CBLIF: variants seen among roughly 807,000 people sequenced by gnomAD.
CBLIF encodes the protein gastric intrinsic factor (vitamin B synthesis).
A neutral mutation model predicts 44.9 loss-of-function variants in CBLIF; 24 were observed. The ratio of observed to expected loss-of-function variants is 0.53; its 90% confidence interval spans 0.39 to 0.75. The LOEUF is 0.75. CBLIF is among the 30% of genes least tolerant of loss of function. CBLIF has a pLI of 0.00. For synonymous variants in CBLIF, 183 were observed against 190.9 expected, an observed-to-expected ratio of 0.96 and a Z score of 0.34; for missense variants, 481 against 513.0, an observed-to-expected ratio of 0.94 and a Z score of 0.60.
In CBLIF at chr11:59,837,368, A is replaced by G; in HGVS notation, c.694-17T>C. ...AGAGAGAGCCTGGGAAGGAAGACAGAAAGAGAGAGAAAGAGTAATTAGGCA... is the reference window on the plus strand; with the variant it reads ...AGAGAGAGCCTGGGAAGGAAGACAGGAAGAGAGAGAAAGAGTAATTAGGCA... On this transcript the variant is annotated splice_polypyrimidine_tract_variant and intron_variant, in intron 5 of 8. Coordinates refer to ENST00000257248, the MANE Select transcript of CBLIF (RefSeq NM_005142.3). The G allele has an allele frequency of 1.3e-6, 2 of 1,583,530 alleles. No individual in the cohort carries two copies. Among genetic ancestry groups the G allele is most frequent in the Non-Finnish European group, 1.7e-6 (2 of 1,152,278 alleles).
intron 3 of CBLIF, 78 bp downstream of exon 3, chr11:59,842,950 C>A: frequency 3.3e-6 from 3 of 904,232 alleles, no homozygotes; most frequent in East Asian, 4.9e-5. Context: ...TCCACCCCCA[C>A]CCTTTTCCTT....
chr11:59,835,695 A>G (rs1866445785), intron 7 of CBLIF, 113 bp downstream of exon 7: 2 of 835,188 alleles, frequency 2.4e-6, no homozygotes. Flanking sequence ...CTCAAGCGCT[A>G]TTAAATAAAA....
Position 59,835,797 on chromosome 11 carries a change from G to A in CBLIF, c.1073+11C>T. ...CTTGAGAGAATGATGAATGACATTTGTAATACTCACTTGAACATAGGATTT... is the reference window on the plus strand; with the variant it reads ...CTTGAGAGAATGATGAATGACATTTATAATACTCACTTGAACATAGGATTT... On this transcript the variant is annotated intron_variant, in intron 7 of 8. Coordinates refer to ENST00000257248, the MANE Select transcript of CBLIF (RefSeq NM_005142.3). 6.3e-7 allele frequency: 1 copy of A among 1,585,658 alleles called. No individual in the cohort carries two copies. The highest frequency in any genetic ancestry group is 8.7e-7 in the Non-Finnish European group (1 of 1,153,858).
intron 5 of CBLIF, among the ~76,000 whole-genome samples, chr11:59,840,373 CTTAG>C (rs1179007624): frequency 6.6e-6 from 1 of 152,128 alleles, no homozygotes; most frequent in Non-Finnish European, 1.5e-5. Context: ...GCTCAAACTT[CTTAG>C]TTGGGATTAG....
At chr11:59,833,744 A>T (rs1310696553) in intron 7 of CBLIF, among the ~76,000 whole-genome samples, 1 of 152,104 alleles carries the variant, frequency 6.6e-6, no homozygotes, top group Non-Finnish European at 1.5e-5. Flanking sequence ...CTTTTCTTTG[A>T]AAAAGAAAAG....
intron 7 of CBLIF, 141 bp from the exon 8 acceptor site, chr11:59,831,937 T>C: frequency 1.5e-6 from 1 of 662,960 alleles, no homozygotes; most frequent in East Asian, 2.8e-5. Flanking sequence ...CCCAGGCTAG[T>C]GGTGAGATCC....
At chr11:59,830,403 AT>A (rs1039613250) in intron 8 of CBLIF, among the ~76,000 whole-genome samples, 26 of 151,360 alleles carry the variant, frequency 1.7e-4, no homozygotes, top group Non-Finnish European at 1.2e-4. Context: ...CGCCTGACTA[AT>A]TTTTTTGTAT....
At chr11:59,839,213 G>A (rs1866492892) in intron 5 of CBLIF, among the ~76,000 whole-genome samples, 1 of 152,332 alleles carries the variant, frequency 6.6e-6, no homozygotes, top group South Asian at 2.1e-4. Flanking sequence ...GATATTCATG[G>A]AAGAAAGATG....
intron 1 of CBLIF, 148 bp downstream of exon 1, chr11:59,845,227 A>T: frequency 9.1e-7 from 1 of 1,103,402 alleles, no homozygotes; most frequent in South Asian, 1.3e-5. Flanking sequence ...TAAGTCAGGA[A>T]GGATGAACAG....
rs547007924 is a variant in CBLIF at position 59,830,844 on chromosome 11, C to T, written c.1192+834G>A. Among the ~76,000 whole-genome samples the T allele has an allele frequency of 2.0e-5, 3 of 152,234 alleles. No homozygotes were observed. In the East Asian group the frequency reaches 5.8e-4, roughly 29 times the overall value. ...TTAAATAAGAGAAAGAGCTTCTAGC[C>T]AAGTCCTCTGTGATTCCAAGATCTT... On this transcript the variant is annotated intron_variant, in intron 8 of 8. Transcript: ENST00000257248.
intron 6 of CBLIF, 27 bp from the exon 7 acceptor site, chr11:59,836,036 G>A (rs1418016485): frequency 1.2e-5 from 19 of 1,579,926 alleles, no homozygotes; most frequent in Non-Finnish European, 1.7e-5. Context: ...GGCCACATTT[G>A]TCAAAGATTA....
chr11:59,841,892 G>T (rs1488413071), intron 4 of CBLIF, among the ~76,000 whole-genome samples: 1 of 152,144 alleles, frequency 6.6e-6, no homozygotes, highest in African/African-American at 2.4e-5. Flanking sequence ...AGGAGGACAT[G>T]ATGTTGTAGA....
chr11:59,844,272 G>T (rs974354903), intron 1 of CBLIF, among the ~76,000 whole-genome samples: 1 of 152,044 alleles, frequency 6.6e-6, no homozygotes, highest in African/African-American at 2.4e-5. Flanking sequence ...TGAGTAGCTG[G>T]GATTACAGGT....
At chr11:59,832,891 T>C (rs1866390534) in intron 7 of CBLIF, among the ~76,000 whole-genome samples, 2 of 152,192 alleles carry the variant, frequency 1.3e-5, no homozygotes, top group Non-Finnish European at 2.9e-5. Context: ...AAAATATTTG[T>C]CAATAATTTT....
intron 5 of CBLIF, chr11:59,840,915 A>G (rs1460489538): frequency 4.1e-6 from 2 of 486,856 alleles, no homozygotes; most frequent in Non-Finnish European, 7.3e-6. Flanking sequence ...AGAAAGAGAA[A>G]CAAGTTCATA....
At chr11:59,831,125 T>C (rs1344059914) in intron 8 of CBLIF, among the ~76,000 whole-genome samples, 2 of 152,330 alleles carry the variant, frequency 1.3e-5, no homozygotes, top group South Asian at 2.1e-4. Context: ...TTGGGGAATA[T>C]TTTAATATGT....
chr11:59,834,546 C>G (rs1028500239), intron 7 of CBLIF, among the ~76,000 whole-genome samples: 1 of 151,584 alleles, frequency 6.6e-6, no homozygotes, highest in Admixed American at 6.6e-5. Context: ...GCACGCACCA[C>G]CACGCCTGGC....
chr11:59,834,978 G>A (rs1463505279), intron 7 of CBLIF, among the ~76,000 whole-genome samples: 1 of 152,052 alleles, frequency 6.6e-6, no homozygotes, highest in Non-Finnish European at 1.5e-5. Context: ...ATTTTACCAA[G>A]TGGATTTTCT....
chr11:59,834,304 C>T lies in CBLIF; in HGVS notation c.1073+1504G>A, dbSNP rs1009764168. Among the ~76,000 whole-genome samples the T allele has an allele frequency of 7.3e-4, 75 of 103,048 alleles. 3 individuals carry two copies. The highest frequency in any genetic ancestry group is 2.5e-3 in the African/African-American group (68 of 26,744). The allele number at this position is 103,048 out of a possible 152,430, so 67.6% of individuals were successfully genotyped here. On this transcript the variant is annotated intron_variant, in intron 7 of 8. Transcript: ENST00000257248. Reference sequence around the variant, plus strand: ...TCTTTCTTTCTTTCTTTCTTTCTTTCTTTCTTTCTTCCTTCCTTCCTTCCT... The same window carrying T: ...TCTTTCTTTCTTTCTTTCTTTCTTTTTTTCTTTCTTCCTTCCTTCCTTCCT...
Sources: gnomAD v4.1 joint callset for allele counts (sites outside exome capture counted in the v4.1 genomes callset) on GRCh38, gnomAD v4.1.1 for gene constraint, MANE v1.5 for transcripts, NCBI Gene and HGNC (gene_info 2026-07-23, HGNC 2026-07-21) for gene names.